The following PARD3B variants were observed in gnomAD, a reference collection of about 807,000 sequenced individuals.
The protein encoded by PARD3B is par-3 family cell polarity regulator beta, also known as partitioning defective 3 homolog B.
In PARD3B, 103 loss-of-function variants were observed where a neutral mutation model predicts 130.2. The observed-to-expected ratio is 0.79, with a 90% CI of 0.67 to 0.93. The LOEUF (loss-of-function observed/expected upper bound fraction) is 0.93, where lower values mean the gene tolerates loss of function less well. Ranked by LOEUF, PARD3B falls within the 40% of genes least tolerant of loss-of-function variation. The pLI is 0.00. For missense variants in PARD3B, 1,609 were observed against 1,499.2 expected (o/e 1.07, Z -1.21); for synonymous variants, 583 against 553.2 (o/e 1.05, Z -0.76).
At chr2:205,059,248 A>C (rs192199972) in intron 4 of PARD3B, among the ~76,000 whole-genome samples, 3 of 152,112 alleles carry the variant, frequency 2.0e-5, no homozygotes, top group Non-Finnish European at 2.9e-5. Context: ...CATACCTTAG[A>C]GGGTTTATTT....
At chr2:205,540,136 T>C (rs1348786956) in intron 21 of PARD3B, among the ~76,000 whole-genome samples, 1 of 152,090 alleles carries the variant, frequency 6.6e-6, no homozygotes, top group African/African-American at 2.4e-5. Flanking sequence ...TGTGAGACAC[T>C]TGGGCTGATT....
At chr2:205,295,958 C>T (rs987634269) in intron 16 of PARD3B, among the ~76,000 whole-genome samples, 1 of 151,934 alleles carries the variant, frequency 6.6e-6, no homozygotes, top group African/African-American at 2.4e-5. Context: ...GAGTTGTTTC[C>T]CTTTTTGAAT....
chr2:204,897,842 C>T (rs1575243945), intron 2 of PARD3B, among the ~76,000 whole-genome samples: 1 of 150,184 alleles, frequency 6.7e-6, no homozygotes, highest in Non-Finnish European at 1.5e-5. Context: ...CAACTGTGAG[C>T]AGAGAACAAA....
intron 1 of PARD3B, among the ~76,000 whole-genome samples, chr2:204,546,743 C>T (rs138468951): frequency 4.3e-4 from 66 of 152,224 alleles, no homozygotes; most frequent in African/African-American, 1.6e-3. Flanking sequence ...ATTCTATGAC[C>T]ATTTACTATG....
intron 21 of PARD3B, among the ~76,000 whole-genome samples, chr2:205,506,938 C>A (rs573285065): frequency 6.6e-6 from 1 of 152,324 alleles, no homozygotes; most frequent in Admixed American, 6.5e-5. Context: ...CTCCTCCAGA[C>A]AGGCCATTAG....
chr2:204,646,690 G>C (rs960603506), intron 1 of PARD3B, among the ~76,000 whole-genome samples: 2 of 151,970 alleles, frequency 1.3e-5, no homozygotes, highest in Non-Finnish European at 2.9e-5. Context: ...AATGAGAATA[G>C]TTTTGCAAGT....
intron 2 of PARD3B, among the ~76,000 whole-genome samples, chr2:204,837,421 A>AG (rs2044083625): frequency 6.8e-6 from 1 of 146,562 alleles, no homozygotes; most frequent in African/African-American, 2.5e-5. Flanking sequence ...AATAAAAATT[A>AG]CTTTTTTTTT....
At chr2:205,205,519 G>C (rs1399317057) in intron 15 of PARD3B, among the ~76,000 whole-genome samples, 1 of 152,080 alleles carries the variant, frequency 6.6e-6, no homozygotes, top group African/African-American at 2.4e-5. Flanking sequence ...TCCTTGTCTT[G>C]TGCCAGTTTT....
chr2:205,375,200 T>G (rs921168087), intron 18 of PARD3B, among the ~76,000 whole-genome samples: 4 of 152,084 alleles, frequency 2.6e-5, no homozygotes, highest in Admixed American at 2.0e-4. Flanking sequence ...CCCCCCAAAA[T>G]GAAACTTTTT....
chr2:204,590,763 C>T (rs2033039780), intron 1 of PARD3B, among the ~76,000 whole-genome samples: 1 of 152,204 alleles, frequency 6.6e-6, no homozygotes, highest in African/African-American at 2.4e-5. Context: ...AGTCTCTGTT[C>T]ATCTGCATGT....
chr2:205,144,839 C>T (rs967511206), intron 10 of PARD3B, among the ~76,000 whole-genome samples: 1 of 152,100 alleles, frequency 6.6e-6, no homozygotes, highest in Admixed American at 6.5e-5. Flanking sequence ...GCAATTCAAA[C>T]GTGAGAGAAA....
chr2:205,197,365 C>T (rs2036754659), intron 15 of PARD3B, among the ~76,000 whole-genome samples: 1 of 152,004 alleles, frequency 6.6e-6, no homozygotes, highest in Non-Finnish European at 1.5e-5. Context: ...TTCAATGACT[C>T]TAAATTTTTC....
At chr2:205,548,109 G>A (rs889678566) in intron 21 of PARD3B, among the ~76,000 whole-genome samples, 1 of 152,010 alleles carries the variant, frequency 6.6e-6, no homozygotes, top group African/African-American at 2.4e-5. Flanking sequence ...TTCCTCCTGG[G>A]TTCAGTGTTT....
rs114733005 is a variant in PARD3B, at chr2:204,783,930, G to A, written c.222+97648G>A. 7.5e-3 allele frequency among the ~76,000 whole-genome samples: 1,132 copies of A among 150,714 alleles called. 12 individuals carry two copies. Among genetic ancestry groups the A allele is most frequent in the African/African-American group, 0.026 (1,067 of 41,106 alleles). ...TACAGTATAAAAACTAGTTTCCAGC[G>A]TTTTTTTTTCTTTGTAATTCATTCT... is the stretch of plus-strand genomic sequence containing the variant. On this transcript the variant is annotated intron_variant, in intron 2 of 22. Transcript: ENST00000406610.
chr2:204,756,483 A>G (rs1276145314), intron 2 of PARD3B, among the ~76,000 whole-genome samples: 1 of 152,168 alleles, frequency 6.6e-6, no homozygotes, highest in East Asian at 1.9e-4. Context: ...TAGCTTATGT[A>G]CAAATCAGTG....
rs143310383 is a variant in PARD3B, at chr2:205,159,691, C to G, written c.1620+784C>G. ...AAAGTGATGATAGAGGAAGGATACA[C>G]GTTTGCACCTCTTGCCACCCTCATT... On this transcript the variant is annotated intron_variant, in intron 11 of 22. Transcript: ENST00000406610. Among the ~76,000 whole-genome samples, 7 of 152,294 alleles carry G rather than the reference C, an allele frequency of 4.6e-5. 1 individual carries two copies. In the South Asian group the frequency reaches 1.5e-3, roughly 32 times the overall value.
At chr2:204,789,815 C>T (rs1559146337) in intron 2 of PARD3B, among the ~76,000 whole-genome samples, 1 of 151,826 alleles carries the variant, frequency 6.6e-6, no homozygotes, top group Non-Finnish European at 1.5e-5. Flanking sequence ...CCTGTGACCT[C>T]CTCAAGTCCT....
intron 2 of PARD3B, among the ~76,000 whole-genome samples, chr2:204,790,999 G>C (rs1220045163): frequency 6.6e-6 from 1 of 152,046 alleles, no homozygotes; most frequent in Non-Finnish European, 1.5e-5. Context: ...CAGCTACTCG[G>C]GAGGCTGAGG....
intron 1 of PARD3B, among the ~76,000 whole-genome samples, chr2:204,565,707 A>G (rs2031633040): frequency 6.6e-6 from 1 of 152,194 alleles, no homozygotes; most frequent in African/African-American, 2.4e-5. Context: ...ATTCATTCTC[A>G]AGAAATACCT....
Sources: allele counts gnomAD v4.1 joint callset (sites outside exome capture counted in the v4.1 genomes callset), GRCh38; gene constraint gnomAD v4.1.1; transcripts MANE v1.5; gene names NCBI Gene and HGNC (gene_info 2026-07-23, HGNC 2026-07-21).